Variants in LNX1 observed in about 807,000 individuals in gnomAD.
LNX1 encodes ligand of numb-protein X 1.
LNX1 carries 54 observed loss-of-function variants against 68.4 expected under a neutral mutation model. The observed-to-expected ratio is 0.79, with a 90% CI of 0.63 to 0.99. LNX1 has a LOEUF of 0.99. Among genes scored for constraint, LNX1 ranks in the 50% least tolerant of loss-of-function variants. The pLI, the probability that LNX1 is intolerant of heterozygous loss-of-function variation, is 0.00. For missense variants in LNX1, 906 were observed against 926.4 expected (o/e 0.98, Z 0.29); for synonymous variants, 336 against 350.0 (o/e 0.96, Z 0.45).
chr4:53,462,057 A>G (rs1255869128), intron 9 of LNX1, among the ~76,000 whole-genome samples: 1 of 152,100 alleles, frequency 6.6e-6, no homozygotes, highest in Admixed American at 6.6e-5. Flanking sequence ...GAATTCGTAT[A>G]CTTTTTTTGA....
chr4:53,468,004 G>C (rs567092580), intron 9 of LNX1, among the ~76,000 whole-genome samples: 20 of 152,172 alleles, frequency 1.3e-4, no homozygotes, highest in East Asian at 3.9e-4. Context: ...CACAAAGATA[G>C]TCCTCAAGAA....
intron 4 of LNX1, among the ~76,000 whole-genome samples, chr4:53,505,409 C>T (rs950356060): frequency 6.6e-6 from 1 of 151,600 alleles, no homozygotes; most frequent in Admixed American, 6.6e-5. Flanking sequence ...CGCCACCATG[C>T]CCTGGCTAAT....
intron 2 of LNX1, among the ~76,000 whole-genome samples, chr4:53,562,706 G>T (rs1410139084): frequency 6.6e-6 from 1 of 152,154 alleles, no homozygotes; most frequent in African/African-American, 2.4e-5. Flanking sequence ...GAGATTATTT[G>T]TACAACGAGG....
intron 2 of LNX1, among the ~76,000 whole-genome samples, chr4:53,600,168 C>T (rs574561415): frequency 6.6e-6 from 1 of 152,310 alleles, no homozygotes; most frequent in Non-Finnish European, 1.5e-5. Flanking sequence ...CACATCAATC[C>T]TCCACGCACT....
intron 9 of LNX1, among the ~76,000 whole-genome samples, chr4:53,462,840 C>G (rs1409585490): frequency 6.6e-6 from 1 of 152,082 alleles, no homozygotes; most frequent in Non-Finnish European, 1.5e-5. Flanking sequence ...TATTTATCTG[C>G]TGCATTTCAC....
intron 1 of LNX1, among the ~76,000 whole-genome samples, chr4:53,642,595 A>C (rs1485789325): frequency 6.6e-6 from 1 of 152,182 alleles, no homozygotes; most frequent in African/African-American, 2.4e-5. Context: ...AATGCTACAG[A>C]GATAGCTCTG....
intron 1 of LNX1, among the ~76,000 whole-genome samples, chr4:53,585,046 G>A (rs1465438630): frequency 6.6e-6 from 1 of 152,166 alleles, no homozygotes; most frequent in Non-Finnish European, 1.5e-5. Flanking sequence ...TACCCAGGAT[G>A]CCTTCTAGTT....
In LNX1 at chr4:53,476,858, T is replaced by C. The variant is rs747755451; in HGVS notation, c.1787A>G (p.Glu596Gly). Reference protein sequence around the residue: ...VLKALEVKEYEPQEDCSSPAA... With the variant: ...VLKALEVKEYGPQEDCSSPAA... ...TGGGCTGCTGCAGTCTTCCTGGGGC[T>C]CATACTCTTTGACTTCCAAAGCTTT... Residue 596 changes from glutamate to glycine, a missense_variant, in exon 9 of 11, where the codon GAG becomes GGG. Glu to Gly is a moderately conservative substitution (Grantham distance 98). Transcript: ENST00000263925. 7.0e-5 allele frequency: 113 copies of C among 1,614,074 alleles called. No homozygotes were observed. Among genetic ancestry groups the C allele is most frequent in the Non-Finnish European group, 8.9e-5 (105 of 1,180,034 alleles).
intron 2 of LNX1, among the ~76,000 whole-genome samples, chr4:53,568,002 C>A (rs1730826269): frequency 6.6e-6 from 1 of 152,056 alleles, no homozygotes; most frequent in East Asian, 1.9e-4. Flanking sequence ...TGGCAATAAT[C>A]AGTAGCTTAC....
chr4:53,478,496 C>T (rs1723709864), intron 8 of LNX1, 69 bp downstream of exon 8: 2 of 1,364,294 alleles, frequency 1.5e-6, no homozygotes, highest in African/African-American at 1.5e-5. Flanking sequence ...AAAATAGTCA[C>T]CTAACAAGCT....
intron 2 of LNX1, among the ~76,000 whole-genome samples, chr4:53,514,332 T>C (rs565624709): frequency 6.6e-6 from 1 of 152,330 alleles, no homozygotes; most frequent in East Asian, 1.9e-4. Context: ...TATTAGTCCA[T>C]TTTTACACTG....
chr4:53,516,959 G>A (rs1207629379), intron 2 of LNX1, among the ~76,000 whole-genome samples: 1 of 152,176 alleles, frequency 6.6e-6, no homozygotes, highest in Non-Finnish European at 1.5e-5. Context: ...GTGAACTGCT[G>A]CCCCTGCCTG....
At chr4:53,629,277 AC>A (rs1734184211) in intron 1 of LNX1, among the ~76,000 whole-genome samples, 1 of 152,082 alleles carries the variant, frequency 6.6e-6, no homozygotes. Flanking sequence ...GTCTCCAGCC[AC>A]CCCTGGGTGC....
At chr4:53,630,250 G>A (rs1468373773) in intron 1 of LNX1, among the ~76,000 whole-genome samples, 4 of 151,982 alleles carry the variant, frequency 2.6e-5, no homozygotes, top group South Asian at 2.1e-4. Context: ...TTATACAGTC[G>A]AGCCTATTAT....
chr4:53,599,223 T>G (rs1732887799), intron 2 of LNX1, among the ~76,000 whole-genome samples: 1 of 152,134 alleles, frequency 6.6e-6, no homozygotes, highest in South Asian at 2.1e-4. Flanking sequence ...AGATAAAAGA[T>G]TGGCACAAGA....
intron 2 of LNX1, among the ~76,000 whole-genome samples, chr4:53,615,128 C>A (rs1293731729): frequency 6.6e-6 from 1 of 152,128 alleles, no homozygotes; most frequent in African/African-American, 2.4e-5. Context: ...AAAAATGCCA[C>A]GATTGAAACA....
chr4:53,484,559 T>A (rs36011216), intron 6 of LNX1, among the ~76,000 whole-genome samples: 83,342 of 151,366 alleles, frequency 0.55, 24,938 homozygotes, highest in Non-Finnish European at 0.67. Flanking sequence ...CAAGACTCCA[T>A]CTCAAAAAAA....
intron 4 of LNX1, among the ~76,000 whole-genome samples, chr4:53,499,322 C>A (rs1725308372): frequency 6.6e-6 from 1 of 152,100 alleles, no homozygotes; most frequent in South Asian, 2.1e-4. Flanking sequence ...CCATTCCTGG[C>A]AAATTTTTAC....
chr4:53,627,973 G>A (rs1339659666), intron 1 of LNX1, among the ~76,000 whole-genome samples: 5 of 152,162 alleles, frequency 3.3e-5, no homozygotes, highest in African/African-American at 1.2e-4. Flanking sequence ...GGAAAAAAGT[G>A]CATTTAGGAA....
Sources: gnomAD v4.1 joint callset for allele counts (sites outside exome capture counted in the v4.1 genomes callset) on GRCh38, gnomAD v4.1.1 for gene constraint, MANE v1.5 for transcripts, NCBI Gene and HGNC (gene_info 2026-07-23, HGNC 2026-07-21) for gene names.